The following GBP6 variants were observed in gnomAD, a reference collection of about 807,000 sequenced individuals.
GBP6 encodes the protein guanylate binding protein family member 6, also known as guanylate-binding protein 6.
Under a neutral mutation model 61.5 loss-of-function variants are expected in GBP6, and 54 were observed. The observed-to-expected ratio is 0.88, with a 90% CI of 0.71 to 1.10. GBP6 has a LOEUF of 1.10. Among genes scored for constraint, GBP6 ranks in the 50% least tolerant of loss-of-function variants. GBP6 has a pLI of 0.00. For missense variants in GBP6, 748 were observed against 752.8 expected (o/e 0.99, Z 0.07); for synonymous variants, 255 against 273.7 (o/e 0.93, Z 0.67).
At chr1:89,365,426 T>C (rs1648113640) in intron 1 of GBP6, among the ~76,000 whole-genome samples, 1 of 152,250 alleles carries the variant, frequency 6.6e-6, no homozygotes, top group Non-Finnish European at 1.5e-5. Context: ...TGCATTTCAC[T>C]GTGGAAATCA....
chr1:89,382,616 T>C, intron 7 of GBP6, 48 bp from the exon 8 acceptor site: 8 of 1,477,958 alleles, frequency 5.4e-6, no homozygotes, highest in Non-Finnish European at 7.6e-6. Flanking sequence ...TAGAATTTCA[T>C]CTCCTCCATG....
Position 89,384,303 on chromosome 1 carries a change from C to T in GBP6, c.1662+17C>T. The T allele has an allele frequency of 1.3e-6, 2 of 1,592,088 alleles. No individual in the cohort carries two copies. The highest frequency in any genetic ancestry group is 1.7e-6 in the Non-Finnish European group (2 of 1,169,296). ...ACGCAGAAGGTAAGTCTGCCCTTGG[C>T]CTCAGCAGGCCAGACGGTCCTCACC... On this transcript the variant is annotated intron_variant, in intron 10 of 10. Transcript: ENST00000370456.
chr1:89,378,427 G>C lies in GBP6; in HGVS notation c.439G>C (p.Glu147Gln). The change falls in exon 5 of 11, where the codon GAG (glutamate) becomes CAG (glutamine). Residue 147 changes from glutamate (E) to glutamine (Q), a missense_variant. Transcript: ENST00000370456. ...QALEQLHYVT[E>Q]LTELIKAKSS... ...TTACCTAAGTCCTAGTTATGTGACG[G>C]AGCTCACAGAACTAATTAAGGCAAA... is the stretch of plus-strand genomic sequence containing the variant. 6.2e-7 allele frequency: 1 copy of C among 1,613,318 alleles called. No individual in the cohort carries two copies. Among genetic ancestry groups the C allele is most frequent in the Non-Finnish European group, 8.5e-7 (1 of 1,179,692 alleles).
intron 3 of GBP6, among the ~76,000 whole-genome samples, chr1:89,373,066 G>A (rs765436233): frequency 7.9e-5 from 12 of 152,142 alleles, no homozygotes; most frequent in Non-Finnish European, 1.2e-4. Flanking sequence ...ATGAAAAAAC[G>A]CTCATCATCA....
chr1:89,372,802 A>C (rs1652683848), intron 3 of GBP6, among the ~76,000 whole-genome samples: 1 of 152,216 alleles, frequency 6.6e-6, no homozygotes, highest in Admixed American at 6.5e-5. Context: ...ACAAAAGCCA[A>C]AATTGACAAA....
rs954711222 is a variant in GBP6 at position 89,368,653 on chromosome 1, T to A, written c.102T>A (p.Ile34=). ...NQQAIQILEK[I]SQPVVVVAIV... The stretch of plus-strand genomic sequence containing the variant: ...AAGCTATACAGATTCTTGAAAAGAT[T>A]TCTCAGCCAGTGGTGGTGGTGGCCA... Residue 34 remains isoleucine (I), a synonymous_variant, in exon 2 of 11, where the codon ATT becomes ATA. Coordinates refer to ENST00000370456, the MANE Select transcript of GBP6 (RefSeq NM_198460.3). The A allele has an allele frequency of 6.2e-7, 1 of 1,614,066 alleles. No homozygotes were observed. The highest frequency in any genetic ancestry group is 8.5e-7 in the Non-Finnish European group (1 of 1,180,004).
rs1361911964 is a variant in GBP6, at chr1:89,368,753, C to A, written c.190+12C>A. ...AGGACAGAATCATGGTAAGTGGTATCCTGGGACACAGGCCAGTTGCTTGAT... is the reference window on the plus strand; with the variant it reads ...AGGACAGAATCATGGTAAGTGGTATACTGGGACACAGGCCAGTTGCTTGAT... On this transcript the variant is annotated intron_variant, in intron 2 of 10. Coordinates refer to ENST00000370456, the MANE Select transcript of GBP6 (RefSeq NM_198460.3). 2 of 1,604,994 alleles carry A rather than the reference C, an allele frequency of 1.2e-6. No homozygotes were observed. Among genetic ancestry groups the A allele is most frequent in the African/African-American group, 1.3e-5 (1 of 74,704 alleles).
At chr1:89,370,021 T>C (rs1361458877) in intron 3 of GBP6, among the ~76,000 whole-genome samples, 1 of 152,162 alleles carries the variant, frequency 6.6e-6, no homozygotes. Flanking sequence ...AGAAGCAGGT[T>C]GCTGAGAGGG....
At position 89,369,697 on chromosome 1, in the gene GBP6, G is replaced by C. The variant is rs114428736; in HGVS notation, c.318+24G>C. The C allele has an allele frequency of 2.6e-3, 4,169 of 1,604,196 alleles. 84 individuals carry two copies. The African/African-American group carries it at 0.049, about 19-fold the overall frequency. ...AGGTAAGACAGAGAGTCATAGACAG[G>C]TTCCTTTTATTCCAGACGTGATCCT... On this transcript the variant is annotated intron_variant, in intron 3 of 10. Transcript: ENST00000370456.
In GBP6 at chr1:89,387,633, G is replaced by A. The variant is rs970428107; in HGVS notation, c.*2164G>A. 6.6e-6 allele frequency among the ~76,000 whole-genome samples: 1 copy of A among 152,122 alleles called. No individual in the cohort carries two copies. Among genetic ancestry groups the A allele is most frequent in the African/African-American group, 2.4e-5 (1 of 41,446 alleles). Reference sequence around the variant, plus strand: ...TCGACACCAGATTAAGGTCTCTGAGGTGGTTTAAAGGCTATGAGGCCAGGT... The same window carrying A: ...TCGACACCAGATTAAGGTCTCTGAGATGGTTTAAAGGCTATGAGGCCAGGT... On this transcript the variant is annotated 3_prime_UTR_variant, in exon 11 of 11. Coordinates refer to ENST00000370456, the MANE Select transcript of GBP6 (RefSeq NM_198460.3).
chr1:89,375,805 T>C (rs1570465792), intron 3 of GBP6, among the ~76,000 whole-genome samples: 1 of 151,834 alleles, frequency 6.6e-6, no homozygotes, highest in Admixed American at 6.5e-5. Context: ...GTGCTTTCGG[T>C]GTCATATCCA....
intron 1 of GBP6, among the ~76,000 whole-genome samples, chr1:89,364,485 C>A (rs984479551): frequency 3.3e-5 from 5 of 152,204 alleles, no homozygotes; most frequent in African/African-American, 1.2e-4. Flanking sequence ...GGGAGAGTTT[C>A]TTGTCTATCT....
At chr1:89,376,043 A>G (rs1449651056) in intron 3 of GBP6, among the ~76,000 whole-genome samples, 2 of 152,204 alleles carry the variant, frequency 1.3e-5, no homozygotes, top group African/African-American at 4.8e-5. Flanking sequence ...AAGTAAAATC[A>G]TGCAGTGTTT....
intron 3 of GBP6, among the ~76,000 whole-genome samples, chr1:89,372,435 A>C (rs1282467959): frequency 1.3e-5 from 2 of 152,350 alleles, no homozygotes; most frequent in East Asian, 3.9e-4. Context: ...TACAGTAACC[A>C]AAATAGCATG....
In GBP6 at chr1:89,380,424, G is replaced by A. The variant is rs1183010440; in HGVS notation, c.664G>A (p.Glu222Lys). The part of the protein sequence containing the change: ...PRVQTSNFPR[E>K]CIRRFFPKRK... ...AGTTCAAACATCCAATTTTCCCAGG[G>A]AGTGCATCAGGCGTTTCTTTCCAAA... Residue 222 changes from glutamate to lysine, a missense_variant, in exon 6 of 11, where the codon GAG (glutamate) becomes AAG (lysine). Physicochemically the swap from Glu to Lys is moderately conservative, Grantham distance 56. Transcript: ENST00000370456. 1 of 1,613,734 alleles carries A rather than the reference G, an allele frequency of 6.2e-7. No homozygotes were observed. The highest frequency in any genetic ancestry group is 2.2e-5 in the East Asian group (1 of 44,878).
chr1:89,367,476 G>A (rs78658202), intron 1 of GBP6, among the ~76,000 whole-genome samples: 13,223 of 152,094 alleles, frequency 0.087, 604 homozygotes, highest in South Asian at 0.11. Flanking sequence ...TTGGATAAAC[G>A]TCTAGTCTAC....
chr1:89,382,066 C>A, intron 7 of GBP6, 92 bp downstream of exon 7: 1 of 1,246,182 alleles, frequency 8.0e-7, no homozygotes, highest in Non-Finnish European at 1.1e-6. Flanking sequence ...TCATCTGTCA[C>A]TGAGGAATAA....
rs1271531909 is a variant in GBP6 at position 89,364,106 on chromosome 1, G to C, written c.-45G>C. The stretch of plus-strand genomic sequence containing the variant: ...GTGAGGCAACTGAAAACTGTTCTTG[G>C]ACCTGCGGTGCTATAGAGCAGGTAT... On this transcript the variant is annotated 5_prime_UTR_variant, in exon 1 of 11. Transcript: ENST00000370456. 6.6e-6 allele frequency: 1 copy of C among 152,244 alleles called. No homozygotes were observed. The highest frequency in any genetic ancestry group is 2.4e-5 in the African/African-American group (1 of 41,458). 9.4% of individuals were successfully genotyped at this position (152,244 alleles called of 1,614,324 possible). A position where few individuals can be genotyped will look rare whatever the true frequency, so the allele number is the denominator to read the frequency against.
At chr1:89,370,413 C>T (rs542878680) in intron 3 of GBP6, among the ~76,000 whole-genome samples, 1 of 152,172 alleles carries the variant, frequency 6.6e-6, no homozygotes, top group Admixed American at 6.5e-5. Flanking sequence ...TGAAGCTCAT[C>T]AATTACCCAC....
Sources: gnomAD v4.1 joint callset for allele counts (sites outside exome capture counted in the v4.1 genomes callset) on GRCh38, gnomAD v4.1.1 for gene constraint, MANE v1.5 for transcripts, NCBI Gene and HGNC (gene_info 2026-07-23, HGNC 2026-07-21) for gene names.